EYS: variants seen among roughly 807,000 people sequenced by gnomAD.
EYS encodes EGF-like photoreceptor maintenance factor.
EYS carries 250 observed loss-of-function variants against 282.1 expected under a neutral mutation model. The ratio of observed to expected loss-of-function variants is 0.89; its 90% CI spans 0.80 to 0.98. The LOEUF (loss-of-function observed/expected upper bound fraction) is 0.98, where lower values mean the gene tolerates loss of function less well. Ranked by LOEUF, EYS falls within the 50% of genes least tolerant of loss-of-function variation. EYS has a pLI of 0.00. For synonymous variants in EYS, 1,355 were observed against 1,282.9 expected (o/e 1.06, Z -1.20); for missense variants, 4,016 against 3,709.0 (o/e 1.08, Z -2.15).
At chr6:65,396,837 C>A (rs1002935781) in intron 7 of EYS, among the ~76,000 whole-genome samples, 4 of 151,916 alleles carry the variant, frequency 2.6e-5, no homozygotes, top group African/African-American at 9.7e-5. Flanking sequence ...ACATTCAAAG[C>A]AACCTATTCT....
intron 5 of EYS, among the ~76,000 whole-genome samples, chr6:65,482,623 T>A (rs1454781863): frequency 6.6e-6 from 1 of 152,212 alleles, no homozygotes; most frequent in South Asian, 2.1e-4. Context: ...TGGAGAAATA[T>A]GTACTTTACA....
chr6:65,642,461 A>C (rs968316612), intron 1 of EYS, among the ~76,000 whole-genome samples: 2 of 152,108 alleles, frequency 1.3e-5, no homozygotes, highest in African/African-American at 4.8e-5. Context: ...CAACAATTTG[A>C]ATACGTTAGA....
At chr6:64,075,918 G>A (rs1771755970) in intron 32 of EYS, among the ~76,000 whole-genome samples, 1 of 151,858 alleles carries the variant, frequency 6.6e-6, no homozygotes, top group South Asian at 2.1e-4. Context: ...CAATCTATGT[G>A]GCCCATGGAC....
intron 15 of EYS, among the ~76,000 whole-genome samples, chr6:64,932,358 C>G (rs770630983): frequency 1.3e-5 from 2 of 151,978 alleles, no homozygotes; most frequent in African/African-American, 4.8e-5. Flanking sequence ...TTTATTTGAC[C>G]TGACTAAAAA....
At chr6:65,573,707 T>C (rs141226322) in intron 2 of EYS, among the ~76,000 whole-genome samples, 212 of 152,296 alleles carry the variant, frequency 1.4e-3, no homozygotes, top group African/African-American at 5.0e-3. Flanking sequence ...TTTGCACACA[T>C]AGGCTCCAGG....
At chr6:64,574,818 G>A (rs1042567216) in intron 26 of EYS, among the ~76,000 whole-genome samples, 5 of 152,230 alleles carry the variant, frequency 3.3e-5, no homozygotes, top group Admixed American at 6.5e-5. Flanking sequence ...TTTTAAAAAC[G>A]AAGTGTTTTT....
chr6:65,194,791 C>CA (rs1227787185), intron 12 of EYS, among the ~76,000 whole-genome samples: 1 of 151,452 alleles, frequency 6.6e-6, no homozygotes, highest in Non-Finnish European at 1.5e-5. Context: ...CCAATCTCCT[C>CA]AAAATAGTTT....
At chr6:64,521,665 C>A (rs988490699) in intron 26 of EYS, among the ~76,000 whole-genome samples, 2 of 151,766 alleles carry the variant, frequency 1.3e-5, no homozygotes, top group African/African-American at 4.8e-5. Context: ...AAAAGGGTGA[C>A]AATGATTCCA....
intron 26 of EYS, among the ~76,000 whole-genome samples, chr6:64,556,512 G>A (rs1765236582): frequency 6.6e-6 from 1 of 151,762 alleles, no homozygotes; most frequent in South Asian, 2.1e-4. Context: ...AGGCATGAGG[G>A]AACTTTTTCA....
At chr6:65,699,539 A>G (rs1769580376) in intron 1 of EYS, among the ~76,000 whole-genome samples, 1 of 152,192 alleles carries the variant, frequency 6.6e-6, no homozygotes, top group African/African-American at 2.4e-5. Context: ...AATTTCACAG[A>G]AAAAGTCTGA....
chr6:64,085,312 A>C (rs1772107361), intron 31 of EYS, among the ~76,000 whole-genome samples: 1 of 133,768 alleles, frequency 7.5e-6, no homozygotes, highest in Admixed American at 7.1e-5. Context: ...TTCTCCTTCC[A>C]GACGCGCGCG....
At chr6:65,462,983 T>C (rs1484889076) in intron 5 of EYS, among the ~76,000 whole-genome samples, 3 of 152,110 alleles carry the variant, frequency 2.0e-5, no homozygotes, top group Admixed American at 2.0e-4. Flanking sequence ...TTTTCTCACA[T>C]GGATAACTGG....
chr6:64,537,151 TC>T (rs1414877389), intron 26 of EYS, among the ~76,000 whole-genome samples: 1 of 92,004 alleles, frequency 1.1e-5, no homozygotes, highest in Non-Finnish European at 2.1e-5. Context: ...ATGCTATCCC[TC>T]CCCCCTCCCC....
intron 2 of EYS, among the ~76,000 whole-genome samples, chr6:65,610,073 AT>A (rs991489344): frequency 7.3e-5 from 11 of 151,524 alleles, no homozygotes; most frequent in East Asian, 1.9e-4. Flanking sequence ...TAGTTTTTTC[AT>A]TTTTTTTATT....
chr6:64,652,951 G>A (rs890118672), intron 22 of EYS, among the ~76,000 whole-genome samples: 1 of 152,110 alleles, frequency 6.6e-6, no homozygotes, highest in African/African-American at 2.4e-5. Flanking sequence ...TTATTCATTA[G>A]GGGTTGAATT....
chr6:64,040,891 C>T (rs2149837105), intron 33 of EYS, among the ~76,000 whole-genome samples: 1 of 152,220 alleles, frequency 6.6e-6, no homozygotes, highest in African/African-American at 2.4e-5. Context: ...ATTAAGGGCA[C>T]TGGTATAAGG....
chr6:65,403,494 T>C (rs1350987319), intron 6 of EYS, among the ~76,000 whole-genome samples: 1 of 151,962 alleles, frequency 6.6e-6, no homozygotes, highest in African/African-American at 2.4e-5. Flanking sequence ...GCCCGTATAC[T>C]TAAAATTGAT....
intron 19 of EYS, among the ~76,000 whole-genome samples, chr6:64,844,097 C>T (rs1398431665): frequency 6.6e-6 from 1 of 152,078 alleles, no homozygotes; most frequent in East Asian, 1.9e-4. Context: ...GCCTTCCCAA[C>T]CATGTGGAAC....
chr6:63,830,969 C>G (rs1293753201), intron 36 of EYS, among the ~76,000 whole-genome samples: 1 of 152,146 alleles, frequency 6.6e-6, no homozygotes, highest in African/African-American at 2.4e-5. Flanking sequence ...CCAAACTAAG[C>G]TTCATAAGTG....
Sources: allele counts gnomAD v4.1 joint callset (sites outside exome capture counted in the v4.1 genomes callset), GRCh38; gene constraint gnomAD v4.1.1; transcripts MANE v1.5; gene names NCBI Gene and HGNC (gene_info 2026-07-23, HGNC 2026-07-21).